ANKMY1: variants seen among roughly 807,000 people sequenced by gnomAD.
The protein encoded by ANKMY1 is ankyrin repeat and MYND domain containing 1, also known as ankyrin repeat and MYND domain-containing protein 1.
Under a neutral mutation model 102.0 loss-of-function variants are expected in ANKMY1, and 98 were observed. The observed-to-expected ratio is 0.96, with a 90% CI of 0.82 to 1.14. ANKMY1 has a LOEUF of 1.14. ANKMY1 is among the 50% of genes most tolerant of loss of function. ANKMY1 has a pLI of 0.00. For missense variants in ANKMY1, 1,330 were observed against 1,347.6 expected (o/e 0.99, Z 0.20); for synonymous variants, 582 against 559.9 (o/e 1.04, Z -0.56).
intron 15 of ANKMY1, among the ~76,000 whole-genome samples, chr2:240,496,613 T>A (rs1411170642): frequency 6.6e-6 from 1 of 152,188 alleles, no homozygotes; most frequent in Non-Finnish European, 1.5e-5. Flanking sequence ...CTCCCCTGCA[T>A]TATAAAGCTT....
downstream of ANKMY1, among the ~76,000 whole-genome samples, chr2:240,475,135 C>T (rs1050375687): frequency 6.6e-6 from 1 of 152,148 alleles, no homozygotes; most frequent in African/African-American, 2.4e-5. Flanking sequence ...GAGATGGTAT[C>T]ATATTGTGGT....
chr2:240,507,644 CA>C lies in ANKMY1; in HGVS notation c.2441del (p.Leu814ArgfsTer15), dbSNP rs774168264. 2 of 1,611,718 alleles carry C rather than the reference CA, an allele frequency of 1.2e-6. No individual in the cohort carries two copies. Among genetic ancestry groups the C allele is most frequent in the South Asian group, 2.2e-5 (2 of 90,212 alleles). On this transcript the variant is annotated frameshift_variant, in exon 13 of 18. Coordinates refer to ENST00000401804, the MANE Select transcript of ANKMY1 (RefSeq NM_001282771.3). LOFTEE classifies it high-confidence loss of function. ...LTQGADPNLP[L>X]TKGLGSALCV... ...ACAGGGCACTGCCCAAGCCTTTGGT[CA>C]GGGGCAGGTTGGGGTCAGCTCCCTG...
intron 15 of ANKMY1, among the ~76,000 whole-genome samples, chr2:240,490,601 A>G (rs1456988559): frequency 2.0e-5 from 3 of 152,168 alleles, no homozygotes; most frequent in Admixed American, 6.5e-5. Flanking sequence ...TATAGTATAC[A>G]TATTTAAATA....
downstream of ANKMY1, among the ~76,000 whole-genome samples, chr2:240,476,912 C>T (rs1334372738): frequency 6.6e-6 from 1 of 152,190 alleles, no homozygotes; most frequent in African/African-American, 2.4e-5. Flanking sequence ...AGAAAAACTT[C>T]CACGTGCAAA....
intron 9 of ANKMY1, among the ~76,000 whole-genome samples, chr2:240,516,057 G>A (rs947941599): frequency 2.6e-5 from 4 of 151,940 alleles, no homozygotes; most frequent in African/African-American, 9.7e-5. Context: ...AAAAAAAAAG[G>A]AGGGACAGAT....
chr2:240,530,135 CAA>C (rs2084969533), intron 4 of ANKMY1, among the ~76,000 whole-genome samples: 1 of 152,170 alleles, frequency 6.6e-6, no homozygotes, highest in African/African-American at 2.4e-5. Flanking sequence ...GGCCACAGTG[CAA>C]GAGAGGAAGA....
At position 240,524,047 on chromosome 2, in the gene ANKMY1, A is replaced by T; in HGVS notation, c.1670T>A (p.Phe557Tyr). Residue 557 changes from phenylalanine to tyrosine, a missense_variant, in exon 8 of 18, where the codon TTT (phenylalanine) becomes TAT (tyrosine). Coordinates refer to ENST00000401804, the MANE Select transcript of ANKMY1 (RefSeq NM_001282771.3). ...GTCGCACACACACACGTTGGACTCA[A>T]ATTTCGTCTCAGCACTGCACAGACT... is the stretch of plus-strand genomic sequence containing the variant. ...RGSLCSAETK[F>Y]ESNVCVCDFS... 1 of 1,614,028 alleles carries T rather than the reference A, an allele frequency of 6.2e-7. No homozygotes were observed. The highest frequency in any genetic ancestry group is 8.5e-7 in the Non-Finnish European group (1 of 1,180,036).
At chr2:240,487,208 A>C (rs1456260400) in intron 15 of ANKMY1, among the ~76,000 whole-genome samples, 2 of 152,194 alleles carry the variant, frequency 1.3e-5, no homozygotes, top group East Asian at 3.8e-4. Flanking sequence ...TTTAGCTCCC[A>C]CATATAAGTG....
chr2:240,512,030 C>T, intron 10 of ANKMY1, 29 bp from the exon 11 acceptor site: 1 of 1,513,078 alleles, frequency 6.6e-7, no homozygotes, highest in Non-Finnish European at 8.7e-7. Context: ...TCCGCCAGCG[C>T]CCACGGACCT....
chr2:240,539,474 G>A (rs749702723), intron 4 of ANKMY1, among the ~76,000 whole-genome samples: 13 of 152,116 alleles, frequency 8.5e-5, no homozygotes, highest in African/African-American at 1.9e-4. Context: ...ACAAACTCCC[G>A]ACACACCATC....
chr2:240,557,782 TG>T, intron 1 of ANKMY1, 98 bp downstream of exon 1: 1 of 758,444 alleles, frequency 1.3e-6, no homozygotes, highest in Non-Finnish European at 1.6e-6. Context: ...CTCCCTGGGG[TG>T]GGGACCGCGA....
intron 5 of ANKMY1, among the ~76,000 whole-genome samples, chr2:240,528,301 C>CA (rs2084378429): frequency 7.2e-6 from 1 of 139,216 alleles, no homozygotes; most frequent in Admixed American, 7.1e-5. Context: ...CCACCCCCCC[C>CA]CCAAAAAAAT....
At chr2:240,518,924 C>T (rs985512810) in intron 9 of ANKMY1, among the ~76,000 whole-genome samples, 1 of 152,234 alleles carries the variant, frequency 6.6e-6, no homozygotes, top group Non-Finnish European at 1.5e-5. Flanking sequence ...GACAGTGAGA[C>T]CCGCCTGCCC....
chr2:240,529,060 G>A lies in ANKMY1; in HGVS notation c.930C>T (p.Ile310=), dbSNP rs752571602. 5.6e-6 allele frequency: 9 copies of A among 1,613,988 alleles called. No homozygotes were observed. The South Asian group carries it at 8.8e-5, about 16-fold the overall frequency. The part of the protein sequence containing the change: ...IINETPLLVK[I]QKQTYKFRNK... ...ACCTGAACTTGTAAGTTTGCTTCTG[G>A]ATTTTGACCAACAAAGGGGTCTCAT... The change falls in exon 5 of 18, where the codon ATC becomes ATT. Residue 310 remains isoleucine (I), a synonymous_variant. Transcript: ENST00000401804. This position sits in a 1 kb window ranked among gnomAD's most constrained non-coding sequence, Gnocchi z 4.2.
the ANKMY1 span, among the ~76,000 whole-genome samples, chr2:240,469,466 A>G: frequency 5.9e-5 from 9 of 152,192 alleles, no homozygotes; most frequent in African/African-American, 1.9e-4. Context: ...TCCAGAAGCC[A>G]CAGACAAACT....
chr2:240,520,137 A>G lies in ANKMY1; in HGVS notation c.2004+225T>C, dbSNP rs2081910728. On this transcript the variant is annotated intron_variant, in intron 9 of 17. Coordinates refer to ENST00000401804, the MANE Select transcript of ANKMY1 (RefSeq NM_001282771.3). The surrounding 1 kb of genome is among the most constrained non-coding windows in gnomAD (Gnocchi z 4.8). Reference sequence around the variant, plus strand: ...GGGAAAAAAATCACACGGATCGTGAAGTACTCTAAAAACTAGCTCGGTGTC... The same window carrying G: ...GGGAAAAAAATCACACGGATCGTGAGGTACTCTAAAAACTAGCTCGGTGTC... 2 of 760,902 alleles carry G rather than the reference A, an allele frequency of 2.6e-6. No individual in the cohort carries two copies. Among genetic ancestry groups the G allele is most frequent in the African/African-American group, 1.7e-5 (1 of 57,974 alleles). The allele number at this position is 760,902 out of a possible 1,614,324, so 47.1% of individuals were successfully genotyped here.
chr2:240,548,874 C>G (rs2125013555), intron 4 of ANKMY1, among the ~76,000 whole-genome samples: 1 of 151,878 alleles, frequency 6.6e-6, no homozygotes, highest in Non-Finnish European at 1.5e-5. Context: ...AGGATACAAA[C>G]AAATGGAAGA....
upstream of ANKMY1, chr2:240,560,735 A>G (rs1559407457): frequency 3.3e-6 from 5 of 1,517,226 alleles, no homozygotes; most frequent in Non-Finnish European, 4.4e-6. Context: ...CCGTACCTCC[A>G]CCGTTGGTGC....
At chr2:240,542,409 G>A (rs1221286726) in intron 4 of ANKMY1, among the ~76,000 whole-genome samples, 1 of 151,938 alleles carries the variant, frequency 6.6e-6, no homozygotes, top group Admixed American at 6.6e-5. Context: ...GGAGGCCGAG[G>A]CAGAGAATCA....
Sources: allele counts gnomAD v4.1 joint callset (sites outside exome capture counted in the v4.1 genomes callset), GRCh38; gene constraint gnomAD v4.1.1; non-coding constraint Gnocchi (gnomAD v3.1); transcripts MANE v1.5; gene names NCBI Gene and HGNC (gene_info 2026-07-23, HGNC 2026-07-21).